The following SYNE2 variants were observed in gnomAD, a reference collection of about 807,000 sequenced individuals.
The protein encoded by SYNE2 is nesprin-2.
A neutral mutation model predicts 856.3 loss-of-function variants in SYNE2; 431 were observed. That is an observed-to-expected ratio of 0.50 (90% confidence interval 0.47 to 0.55). The LOEUF (loss-of-function observed/expected upper bound fraction) is 0.55. SYNE2 is among the 20% of genes least tolerant of loss of function. The pLI is 0.00. For synonymous variants in SYNE2, 2,923 were observed against 2,872.3 expected, an observed-to-expected ratio of 1.02 and a Z score of -0.56; for missense variants, 8,129 against 8,023.2, an observed-to-expected ratio of 1.01 and a Z score of -0.50.
chr14:64,002,264 G>T (rs2096761319), intron 29 of SYNE2, among the ~76,000 whole-genome samples, 183 bp downstream of exon 29: 1 of 151,950 alleles, frequency 6.6e-6, no homozygotes, highest in Non-Finnish European at 1.5e-5. Flanking sequence ...TGCAAATTTG[G>T]AGGTGGGCAC....
At position 63,997,292 on chromosome 14, in the gene SYNE2, C is replaced by G. The variant is rs1295049768; in HGVS notation, c.3153-9C>G. 2 of 1,611,286 alleles carry G rather than the reference C, an allele frequency of 1.2e-6. No homozygotes were observed. The highest frequency in any genetic ancestry group is 1.7e-6 in the Non-Finnish European group (2 of 1,178,324). ...CTCTTTTAAACATGCAATTTTGATT[C>G]CTTTCTAGGGGGACCATCACCACAT... On this transcript the variant is annotated splice_polypyrimidine_tract_variant and intron_variant, in intron 24 of 115. Coordinates refer to ENST00000555002, the MANE Select transcript of SYNE2 (RefSeq NM_182914.3).
At chr14:64,006,656 C>T (rs1185236444) in intron 30 of SYNE2, among the ~76,000 whole-genome samples, 1 of 151,876 alleles carries the variant, frequency 6.6e-6, no homozygotes, top group African/African-American at 2.4e-5. Flanking sequence ...TAGTGAGACC[C>T]CATCTCTACA....
chr14:63,808,122 T>G (rs1326497161), intron 1 of SYNE2, among the ~76,000 whole-genome samples: 1 of 148,990 alleles, frequency 6.7e-6, no homozygotes, highest in Admixed American at 6.8e-5. Context: ...GAGATGAGGT[T>G]TTGCTATGTT....
chr14:63,853,332 G>C (rs988868729), intron 1 of SYNE2, among the ~76,000 whole-genome samples, 189 bp downstream of exon 1: 1 of 151,852 alleles, frequency 6.6e-6, no homozygotes, highest in African/African-American at 2.4e-5. Flanking sequence ...TGGGGAGAGC[G>C]GGGTGCGCGG....
In SYNE2 at chr14:64,162,160, G is replaced by T. The variant is rs759766284; in HGVS notation, c.16183G>T (p.Gly5395Cys). 11 of 1,614,100 alleles carry T rather than the reference G, an allele frequency of 6.8e-6. No homozygotes were observed. The highest frequency in any genetic ancestry group is 9.3e-6 in the Non-Finnish European group (11 of 1,180,038). Residue 5395 changes from glycine to cysteine, a missense_variant, in exon 88 of 116, where the codon GGT becomes TGT. Physicochemically the swap from Gly to Cys is radical, Grantham distance 159. This residue lies in a region of SYNE2 where 5,410 missense variants were observed against 5,284.8 expected (regional missense o/e 1.02). Coordinates refer to ENST00000555002, the MANE Select transcript of SYNE2 (RefSeq NM_182914.3). Reference sequence around the variant, plus strand: ...CTGGAAGGCCTATAGCAATGCTCATGGTGAAGCTGCCGCAAGGCTGAAGCA... The same window carrying T: ...CTGGAAGGCCTATAGCAATGCTCATTGTGAAGCTGCCGCAAGGCTGAAGCA... ...QLWKAYSNAH[G>C]EAAARLKQQE... is the part of the protein sequence containing the mutation.
At chr14:64,074,858 G>A (rs1248900974) in intron 53 of SYNE2, among the ~76,000 whole-genome samples, 1 of 147,268 alleles carries the variant, frequency 6.8e-6, no homozygotes, top group Non-Finnish European at 1.5e-5. Flanking sequence ...TCGTGCCGCT[G>A]CAATCCAGCC....
At chr14:64,077,392 T>A (rs1201074835) in intron 54 of SYNE2, among the ~76,000 whole-genome samples, 2 of 152,156 alleles carry the variant, frequency 1.3e-5, no homozygotes, top group Non-Finnish European at 2.9e-5. Context: ...GGGATTTTTT[T>A]TTTTTCTAAT....
At chr14:64,035,693 A>AT (rs974672527) in intron 45 of SYNE2, among the ~76,000 whole-genome samples, 1 of 151,888 alleles carries the variant, frequency 6.6e-6, no homozygotes, top group East Asian at 1.9e-4. Flanking sequence ...TCCTTTATTT[A>AT]TTTTTTATGA....
intron 1 of SYNE2, among the ~76,000 whole-genome samples, chr14:63,810,234 A>G (rs1427655327): frequency 2.7e-5 from 4 of 150,474 alleles, no homozygotes; most frequent in African/African-American, 2.4e-5. Flanking sequence ...AAAAAAAAAA[A>G]AGAGAGAGAG....
rs191318074 is a variant in SYNE2, at chr14:64,214,463, A to G, written c.19326A>G (p.Ala6442=). 16 of 1,612,278 alleles carry G rather than the reference A, an allele frequency of 9.9e-6. No homozygotes were observed. The highest frequency in any genetic ancestry group is 2.2e-5 in the East Asian group (1 of 44,852). ...ACGAGGAGGGCCCATACTACAGCGC[A>G]CTGTCAGGTAACAGCTGGGTTCCCA... The part of the protein sequence containing the change: ...EEDEEGPYYS[A]LSDVEIPENP... Residue 6442 remains alanine, a synonymous_variant, in exon 106 of 116, where the codon GCA becomes GCG. Coordinates refer to ENST00000555002, the MANE Select transcript of SYNE2 (RefSeq NM_182914.3).
chr14:63,942,429 C>A (rs2095933287), intron 6 of SYNE2, among the ~76,000 whole-genome samples: 1 of 152,190 alleles, frequency 6.6e-6, no homozygotes, highest in African/African-American at 2.4e-5. Context: ...AGTGATTCTT[C>A]TGTCTCAGCC....
chr14:63,884,288 C>G (rs2094931078), intron 1 of SYNE2, among the ~76,000 whole-genome samples: 1 of 152,182 alleles, frequency 6.6e-6, no homozygotes, highest in Non-Finnish European at 1.5e-5. Context: ...GTAGGAAAGG[C>G]TTTTCTTCTG....
At chr14:64,050,435 T>C (rs768898837) in intron 47 of SYNE2, among the ~76,000 whole-genome samples, 7 of 152,222 alleles carry the variant, frequency 4.6e-5, no homozygotes, top group Non-Finnish European at 8.8e-5. Flanking sequence ...TGAATATGTT[T>C]TACAGAGTAA....
chr14:63,967,587 G>A (rs2096411917), intron 10 of SYNE2, 122 bp from the exon 11 acceptor site: 1 of 975,940 alleles, frequency 1.0e-6, no homozygotes, highest in African/African-American at 1.6e-5. Context: ...CTGGATTCAG[G>A]GGATTTTACC....
At chr14:64,038,651 G>A (rs537927390) in intron 45 of SYNE2, among the ~76,000 whole-genome samples, 2 of 152,346 alleles carry the variant, frequency 1.3e-5, no homozygotes, top group Admixed American at 1.3e-4. Context: ...GACCAGCCCG[G>A]CCAACACAGC....
In SYNE2 at chr14:64,027,466, A is replaced by C; in HGVS notation, c.6405-18A>C. The C allele has an allele frequency of 6.6e-7, 1 of 1,518,994 alleles. No homozygotes were observed. Among genetic ancestry groups the C allele is most frequent in the Non-Finnish European group, 9.0e-7 (1 of 1,112,722 alleles). The allele number at this position is 1,518,994 out of a possible 1,614,324, so 94.1% of individuals were successfully genotyped here. ...TGCTAAATATCATTTAATTTATAAA[A>C]TATTTTGTGAAATTTAGCCATCAAG... On this transcript the variant is annotated intron_variant, in intron 42 of 115. Coordinates refer to ENST00000555002, the MANE Select transcript of SYNE2 (RefSeq NM_182914.3).
At chr14:64,218,135 G>C in intron 108 of SYNE2, 1 of 432,192 alleles carries the variant, frequency 2.3e-6, no homozygotes, top group Non-Finnish European at 4.3e-6. Context: ...CATGCCAATT[G>C]AAACAGACCC....
chr14:64,010,672 G>T (rs1486975364), intron 32 of SYNE2, among the ~76,000 whole-genome samples: 1 of 152,072 alleles, frequency 6.6e-6, no homozygotes, highest in East Asian at 1.9e-4. Context: ...AGTTAGAAAA[G>T]AATATACTAT....
At chr14:63,920,527 A>C (rs1369938447) in intron 2 of SYNE2, among the ~76,000 whole-genome samples, 1 of 150,424 alleles carries the variant, frequency 6.6e-6, no homozygotes, top group African/African-American at 2.4e-5. Context: ...GGGGTCTGGA[A>C]TTTTTCCTAA....
Sources: allele counts gnomAD v4.1 joint callset (sites outside exome capture counted in the v4.1 genomes callset), GRCh38; gene constraint gnomAD v4.1.1; regional missense constraint gnomAD v4.1.1; transcripts MANE v1.5; gene names NCBI Gene and HGNC (gene_info 2026-07-23, HGNC 2026-07-21).